MAST3: variants seen among roughly 807,000 people sequenced by gnomAD.
The protein encoded by MAST3 is microtubule-associated serine/threonine-protein kinase 3.
Under a neutral mutation model 127.0 loss-of-function variants are expected in MAST3, and 43 were observed. The ratio of observed to expected loss-of-function variants is 0.34; its 90% CI spans 0.27 to 0.44. The LOEUF (loss-of-function observed/expected upper bound fraction) is 0.44, where lower values mean the gene tolerates loss of function less well. Among genes scored for constraint, MAST3 ranks in the 20% least tolerant of loss-of-function variants. The probability of loss-of-function intolerance (pLI) is 1.00; values close to 1 mark genes in which losing one functional copy is unlikely to be tolerated. For synonymous variants in MAST3, 785 were observed against 809.2 expected (o/e 0.97, Z 0.51); for missense variants, 1,390 against 1,919.1 (o/e 0.72, Z 5.15).
chr19:18,098,902 G>C, intron 1 of MAST3: 2 of 410,890 alleles, frequency 4.9e-6, no homozygotes, highest in Non-Finnish European at 9.9e-6. Flanking sequence ...GGAGTGATCA[G>C]TTGTGATAAG....
rs753197504 is a variant in MAST3, at chr19:18,149,445, C to T, written c.3763C>T (p.Arg1255Trp). 6 of 1,527,912 alleles carry T rather than the reference C, an allele frequency of 3.9e-6. No homozygotes were observed. Among genetic ancestry groups the T allele is most frequent in the South Asian group, 1.2e-5 (1 of 82,456 alleles). 94.6% of individuals were successfully genotyped at this position (1,527,912 alleles called of 1,614,324 possible). Residue 1255 changes from arginine (R) to tryptophan (W), a missense_variant, in exon 28 of 28, where the codon CGG becomes TGG. By Grantham distance (101) the Arg-to-Trp change is moderately radical. Transcript: ENST00000687212. This position sits in a 1 kb window ranked among gnomAD's most constrained non-coding sequence, Gnocchi z 5.9. The part of the protein sequence containing the change: ...GHPPAPARSP[R>W]LRRGQSADKL... The stretch of plus-strand genomic sequence containing the variant: ...CCCGCCCGCACCTGCCCGATCCCCG[C>T]GGCTGCGCCGGGGCCAGTCAGCTGA...
intron 15 of MAST3, among the ~76,000 whole-genome samples, chr19:18,132,727 T>G (rs1431700207): frequency 6.6e-6 from 1 of 152,212 alleles, no homozygotes; most frequent in Non-Finnish European, 1.5e-5. Context: ...GGAATGCCTG[T>G]TTGTCAGGTG....
chr19:18,149,630 G>C lies in MAST3; in HGVS notation c.3948G>C (p.Gln1316His). ...AGGAGGTTAGCTTCGATGAGCCGCA[G>C]GAGGAGGCCACTGGGCTGCCCACCT... ...AVQEVSFDEP[Q>H]EEATGLPTSV... Residue 1316 changes from glutamine to histidine, a missense_variant, in exon 28 of 28, where the codon CAG becomes CAC. By Grantham distance (24) the Gln-to-His change is conservative. Transcript: ENST00000687212. The surrounding 1 kb of genome is among the most constrained non-coding windows in gnomAD (Gnocchi z 5.9). 1 of 1,613,296 alleles carries C rather than the reference G, an allele frequency of 6.2e-7. No homozygotes were observed. The highest frequency in any genetic ancestry group is 8.5e-7 in the Non-Finnish European group (1 of 1,179,886).
intron 1 of MAST3, among the ~76,000 whole-genome samples, 161 bp downstream of exon 1, chr19:18,097,992 G>C (rs1355405154): frequency 6.6e-6 from 1 of 152,156 alleles, no homozygotes; most frequent in Non-Finnish European, 1.5e-5. Context: ...GCTTCTCAAA[G>C]TGCTTTTTCT....
intron 20 of MAST3, among the ~76,000 whole-genome samples, chr19:18,139,849 T>G (rs1175113476): frequency 1.4e-5 from 2 of 145,280 alleles, no homozygotes; most frequent in Non-Finnish European, 3.0e-5. Context: ...AGACAGAGTC[T>G]CGCTCTTTTG....
chr19:18,148,901 G>GAAA (rs11375222), intron 27 of MAST3, among the ~76,000 whole-genome samples: 3 of 147,682 alleles, frequency 2.0e-5, no homozygotes. Flanking sequence ...AGACTCTATT[G>GAAA]AAAAAAAAAA....
intron 19 of MAST3, among the ~76,000 whole-genome samples, chr19:18,138,379 C>T (rs1042898834): frequency 6.6e-5 from 10 of 151,460 alleles, no homozygotes; most frequent in African/African-American, 9.7e-5. Context: ...TGCAGTGGCG[C>T]GATCTCGGCT....
Position 18,144,052 on chromosome 19 carries a change from C to G in MAST3, c.2584+45C>G. ...AGAGGGATGATGTCATGGAAGTTTC[C>G]CAGAGGAGGGGCTATTTGAGATGGG... On this transcript the variant is annotated intron_variant, in intron 22 of 27. Transcript: ENST00000687212. This position sits in a 1 kb window ranked among gnomAD's most constrained non-coding sequence, Gnocchi z 4.0. 1 of 1,543,190 alleles carries G rather than the reference C, an allele frequency of 6.5e-7. No homozygotes were observed.
Position 18,123,337 on chromosome 19 carries a change from C to T in MAST3, c.520C>T (p.Arg174Trp), listed in dbSNP as rs777357862. 20 of 1,613,102 alleles carry T rather than the reference C, an allele frequency of 1.2e-5. No individual in the cohort carries two copies. The highest frequency in any genetic ancestry group is 6.6e-5 in the South Asian group (6 of 91,076). Reference protein sequence around the residue: ...SENVLDEEGGRSPRLRPRSRS... With the variant: ...SENVLDEEGGWSPRLRPRSRS... The stretch of plus-strand genomic sequence containing the variant: ...GAATGTGCTTGATGAGGAAGGCGGC[C>T]GGTCACCCCGCCTCCGACCCCGCTC... The change falls in exon 7 of 28, where the codon CGG (arginine) becomes TGG (tryptophan). Residue 174 changes from arginine (R) to tryptophan (W), a missense_variant. This residue lies in a region of MAST3 where 277 missense variants were observed against 384.8 expected (regional missense o/e 0.72). Transcript: ENST00000687212.
At position 18,130,665 on chromosome 19, in the gene MAST3, C is replaced by A; in HGVS notation, c.1395C>A (p.Thr465=). 1.2e-6 allele frequency: 2 copies of A among 1,614,050 alleles called. No homozygotes were observed. Among genetic ancestry groups the A allele is most frequent in the African/African-American group, 1.3e-5 (1 of 75,036 alleles). ...FVVSMFCSFE[T]RRHLCMVMEY... is the part of the protein sequence containing the mutation. The stretch of plus-strand genomic sequence containing the variant: ...TCAGCATGTTCTGCTCCTTTGAGAC[C>A]CGGCGCCACCTATGTATGGTCATGG... The change falls in exon 14 of 28, where the codon ACC becomes ACA. Residue 465 remains threonine (T), a synonymous_variant. Transcript: ENST00000687212.
At chr19:18,148,242 G>A (rs777305681) in intron 27 of MAST3, among the ~76,000 whole-genome samples, 83 of 151,778 alleles carry the variant, frequency 5.5e-4, no homozygotes, top group Middle Eastern at 6.8e-3. Context: ...TGGAGGTTGC[G>A]GTGAGCCGAG....
intron 2 of MAST3, chr19:18,109,901 G>T (rs1280110757): frequency 1.9e-5 from 19 of 974,598 alleles, no homozygotes; most frequent in Non-Finnish European, 2.3e-5. Context: ...GGGCCGGGGC[G>T]AGGGCAGAGG....
Position 18,123,212 on chromosome 19 carries a change from A to G in MAST3, c.400-5A>G, listed in dbSNP as rs537714144. ...ATGGCTCTGATCCCCACCACTCTCT[A>G]CCAGTCAAGCTCATCCTCCCGGGAA... On this transcript the variant is annotated splice_polypyrimidine_tract_variant and splice_region_variant and intron_variant, in intron 6 of 27. Coordinates refer to ENST00000687212, the MANE Select transcript of MAST3 (RefSeq NM_001393504.1). 117 of 1,613,430 alleles carry G rather than the reference A, an allele frequency of 7.3e-5. No individual in the cohort carries two copies. The South Asian group carries it at 1.1e-3, about 16-fold the overall frequency.
chr19:18,135,236 G>A (rs149608597), intron 17 of MAST3, among the ~76,000 whole-genome samples: 3,192 of 152,064 alleles, frequency 0.021, 47 homozygotes, highest in African/African-American at 0.038. Flanking sequence ...AGGCTGAGGC[G>A]GGAGGATCAT....
In MAST3 at chr19:18,121,721, A is replaced by C. The variant is rs760597805; in HGVS notation, c.198A>C (p.Gly66=). 2 of 1,613,910 alleles carry C rather than the reference A, an allele frequency of 1.2e-6. No individual in the cohort carries two copies. The highest frequency in any genetic ancestry group is 1.7e-5 in the Admixed American group (1 of 60,030). ...RSGNRKSLVV[G]TPSPTLSRPL... ...GGAACCGCAAGAGCTTGGTGGTAGG[A>C]ACGCCCTCCCCGACCCTCTCCCGGC... is the stretch of plus-strand genomic sequence containing the variant. The change falls in exon 4 of 28, where the codon GGA becomes GGC. Residue 66 remains glycine (G), a synonymous_variant. Transcript: ENST00000687212.
rs761697269 is a variant in MAST3 at position 18,141,984 on chromosome 19, G to T, written c.2308G>T (p.Asp770Tyr). The change falls in exon 21 of 28, where the codon GAC (aspartate) becomes TAC (tyrosine). Residue 770 changes from aspartate to tyrosine, a missense_variant. Around this residue, in one of 5 missense-constraint regions of MAST3, gnomAD observed 816 missense variants for 934.1 expected, o/e 0.87. Transcript: ENST00000687212. ...GGAGGGGTGGGAGCGCAGCGAAGTG[G>T]ACTATGGCCGCCGGCTGAGTGCTGA... ...REEGWERSEV[D>Y]YGRRLSADIR... is the part of the protein sequence containing the mutation. The T allele has an allele frequency of 6.5e-7, 1 of 1,527,794 alleles. No individual in the cohort carries two copies. The highest frequency in any genetic ancestry group is 8.8e-7 in the Non-Finnish European group (1 of 1,130,270). The allele number at this position is 1,527,794 out of a possible 1,614,324, so 94.6% of individuals were successfully genotyped here.
In MAST3 at chr19:18,137,368, A is replaced by G; in HGVS notation, c.2095+7A>G. ...GATACCAGCTACTTTGACAGTAAGG[A>G]GGGATCCCCCTGGAGGGGGGGCGGG... On this transcript the variant is annotated splice_region_variant and intron_variant, in intron 19 of 27. Transcript: ENST00000687212. 3 of 1,612,200 alleles carry G rather than the reference A, an allele frequency of 1.9e-6. No individual in the cohort carries two copies. Among genetic ancestry groups the G allele is most frequent in the Non-Finnish European group, 2.5e-6 (3 of 1,178,838 alleles).
intron 2 of MAST3, among the ~76,000 whole-genome samples, chr19:18,108,723 A>G (rs1288788605): frequency 6.6e-6 from 1 of 152,072 alleles, no homozygotes; most frequent in Admixed American, 6.6e-5. Flanking sequence ...CAATGCTTTC[A>G]TTCATTTACA....
intron 27 of MAST3, among the ~76,000 whole-genome samples, chr19:18,148,023 C>T (rs566506821): frequency 2.6e-5 from 4 of 151,754 alleles, no homozygotes; most frequent in Non-Finnish European, 1.5e-5. Flanking sequence ...GGTGTGAGGC[C>T]GGGCATGGAG....
Sources: gnomAD v4.1 joint callset for allele counts (sites outside exome capture counted in the v4.1 genomes callset) on GRCh38, gnomAD v4.1.1 for gene constraint, gnomAD v4.1.1 regional missense constraint, Gnocchi (gnomAD v3.1) non-coding constraint, MANE v1.5 for transcripts, NCBI Gene and HGNC (gene_info 2026-07-23, HGNC 2026-07-21) for gene names.